HNF4G: variants seen among roughly 807,000 people sequenced by gnomAD.
The protein encoded by HNF4G is hepatocyte nuclear factor 4 gamma.
HNF4G carries 21 observed loss-of-function variants against 50.9 expected under a neutral mutation model. That is an observed-to-expected ratio of 0.41 (90% confidence interval 0.29 to 0.59). The LOEUF (loss-of-function observed/expected upper bound fraction) is 0.59. HNF4G is among the 20% of genes least tolerant of loss of function. The pLI is 0.26. For missense variants in HNF4G, 527 were observed against 559.4 expected, an observed-to-expected ratio of 0.94 and a Z score of 0.58; for synonymous variants, 198 against 185.6, an observed-to-expected ratio of 1.07 and a Z score of -0.54.
At chr8:75,555,205 G>C (rs1807078269) in intron 5 of HNF4G, among the ~76,000 whole-genome samples, 1 of 152,212 alleles carries the variant, frequency 6.6e-6, no homozygotes, top group South Asian at 2.1e-4. Context: ...TTGAGAAGCA[G>C]CACTAGAATT....
At chr8:75,453,340 A>G (rs578215721) in intron 1 of HNF4G, among the ~76,000 whole-genome samples, 1 of 152,116 alleles carries the variant, frequency 6.6e-6, no homozygotes. Flanking sequence ...AGCTAGCTAG[A>G]GGTTTGTAAA....
chr8:75,484,606 T>C (rs1247402352), intron 1 of HNF4G, among the ~76,000 whole-genome samples: 2 of 152,222 alleles, frequency 1.3e-5, no homozygotes, highest in African/African-American at 4.8e-5. Flanking sequence ...CACAAAACTC[T>C]AATTTTCCTT....
chr8:75,505,698 A>AC (rs200972441), intron 2 of HNF4G, among the ~76,000 whole-genome samples: 210 of 151,888 alleles, frequency 1.4e-3, no homozygotes, highest in Non-Finnish European at 2.7e-3. Flanking sequence ...AAAAAAAAAA[A>AC]CATAATACAA....
At chr8:75,490,990 A>G (rs1167411734) in intron 2 of HNF4G, among the ~76,000 whole-genome samples, 1 of 152,192 alleles carries the variant, frequency 6.6e-6, no homozygotes, top group Non-Finnish European at 1.5e-5. Flanking sequence ...TGCCTCTTAT[A>G]GTTTGGAAAT....
chr8:75,523,417 A>G (rs1585920263), intron 2 of HNF4G, among the ~76,000 whole-genome samples: 1 of 152,168 alleles, frequency 6.6e-6, no homozygotes, highest in Non-Finnish European at 1.5e-5. Flanking sequence ...TCATGACTGC[A>G]ATGCCTCCTT....
rs1236795419 is a variant in HNF4G, at chr8:75,464,916, TG to T, written c.-143-25172del. On this transcript the variant is annotated intron_variant, in intron 1 of 10. Coordinates refer to the HNF4G transcript ENST00000354370. Reference sequence around the variant, plus strand: ...TCCAAATAGGAAGAACAAGAGAATATGTTGGGAGAGGAAAAGGAATGAGGCA... The same window carrying T: ...TCCAAATAGGAAGAACAAGAGAATATTTGGGAGAGGAAAAGGAATGAGGCA... Among the ~76,000 whole-genome samples, 23 of 152,174 alleles carry T rather than the reference TG, an allele frequency of 1.5e-4. No individual in the cohort carries two copies. In the East Asian group the frequency reaches 4.1e-3, roughly 27 times the overall value.
chr8:75,554,267 C>T (rs1807051884), intron 5 of HNF4G, among the ~76,000 whole-genome samples: 2 of 152,010 alleles, frequency 1.3e-5, no homozygotes, highest in South Asian at 2.1e-4. Context: ...AGTAGGGTTA[C>T]GTTATTTATC....
At chr8:75,512,504 G>A (rs546360286) in intron 2 of HNF4G, among the ~76,000 whole-genome samples, 37 of 150,704 alleles carry the variant, frequency 2.5e-4, no homozygotes, top group African/African-American at 2.9e-4. Flanking sequence ...TCACTCTGTC[G>A]CCCAGGCTGG....
intron 1 of HNF4G, among the ~76,000 whole-genome samples, chr8:75,441,442 C>T (rs1037531128): frequency 7.2e-5 from 11 of 151,982 alleles, no homozygotes; most frequent in Non-Finnish European, 5.9e-5. Flanking sequence ...GATGGGGTTT[C>T]GCCATGTTGT....
chr8:75,537,300 G>A (rs530301389), upstream of HNF4G, among the ~76,000 whole-genome samples: 3 of 152,200 alleles, frequency 2.0e-5, no homozygotes, highest in East Asian at 5.8e-4. Context: ...CTGGACTGCA[G>A]TGGCATGATC....
intron 9 of HNF4G, 32 bp downstream of exon 9, chr8:75,560,498 A>G (rs764280950): frequency 1.3e-6 from 2 of 1,584,704 alleles, no homozygotes; most frequent in South Asian, 1.2e-5. Flanking sequence ...CAACCAAGAT[A>G]TTTCTTAATT....
intron 2 of HNF4G, among the ~76,000 whole-genome samples, chr8:75,502,546 T>C (rs887862392): frequency 2.0e-5 from 3 of 152,146 alleles, no homozygotes; most frequent in African/African-American, 7.2e-5. Context: ...CTTTTAAACA[T>C]ATACTAAAAC....
chr8:75,413,086 A>T (rs2130464642), intron 1 of HNF4G, among the ~76,000 whole-genome samples: 1 of 151,998 alleles, frequency 6.6e-6, no homozygotes, highest in South Asian at 2.1e-4. Flanking sequence ...TGCAGTAGGA[A>T]TAGTAGCAAG....
intron 1 of HNF4G, among the ~76,000 whole-genome samples, chr8:75,411,312 G>C (rs1399402424): frequency 3.3e-5 from 5 of 152,200 alleles, no homozygotes; most frequent in Non-Finnish European, 7.3e-5. Context: ...AATATTCCCT[G>C]GGGAAGGCAC....
At position 75,564,391 on chromosome 8, in the gene HNF4G, T is replaced by C. The variant is rs1807403152; in HGVS notation, c.*295T>C. 1 of 219,402 alleles carries C rather than the reference T, an allele frequency of 4.6e-6. No homozygotes were observed. The allele number at this position is 219,402 out of a possible 1,614,324, so 13.6% of individuals were successfully genotyped here. On this transcript the variant is annotated 3_prime_UTR_variant, in exon 10 of 10. Transcript: ENST00000396423. ...GAATCTTATGTATGAGTTTCATTTG[T>C]TTTATTAATGTTAATTTAAATCTGT...
chr8:75,422,763 A>G (rs997346669), intron 1 of HNF4G, among the ~76,000 whole-genome samples: 13 of 151,990 alleles, frequency 8.6e-5, no homozygotes, highest in African/African-American at 2.7e-4. Flanking sequence ...CCTCCTGAGT[A>G]GCTGGGAGTA....
intron 5 of HNF4G, 120 bp from the exon 6 acceptor site, chr8:75,555,862 C>T (rs988550141): frequency 2.5e-5 from 12 of 482,910 alleles, no homozygotes; most frequent in African/African-American, 2.4e-4. Context: ...TCTATGAATA[C>T]TATAGTTTGT....
intron 1 of HNF4G, among the ~76,000 whole-genome samples, chr8:75,479,654 C>A (rs1812326628): frequency 6.7e-6 from 1 of 148,298 alleles, no homozygotes; most frequent in African/African-American, 2.5e-5. Flanking sequence ...ATTTGTTGAA[C>A]AAACATTTTT....
chr8:75,556,397 A>G (rs937274856), intron 6 of HNF4G, among the ~76,000 whole-genome samples: 1 of 152,188 alleles, frequency 6.6e-6, no homozygotes. Flanking sequence ...TGGAGTCTCA[A>G]TGTGTTTTCA....
Sources: gnomAD v4.1 joint callset for allele counts (sites outside exome capture counted in the v4.1 genomes callset) on GRCh38, gnomAD v4.1.1 for gene constraint, MANE v1.5 for transcripts, NCBI Gene and HGNC (gene_info 2026-07-23, HGNC 2026-07-21) for gene names.